Variants in TMTC1 observed in about 807,000 individuals in gnomAD.
TMTC1 encodes protein O-mannosyl-transferase TMTC1.
In TMTC1, 73 loss-of-function variants were observed where a neutral mutation model predicts 104.8. The observed-to-expected ratio is 0.70, with a 90% CI of 0.58 to 0.85. The LOEUF is 0.85. TMTC1 is among the 40% of genes least tolerant of loss of function. The pLI is 0.00. For missense variants in TMTC1, 1,035 were observed against 1,096.1 expected (o/e 0.94, Z 0.79); for synonymous variants, 434 against 428.7 (o/e 1.01, Z -0.15).
intron 5 of TMTC1, among the ~76,000 whole-genome samples, chr12:29,682,488 A>T (rs1035107696): frequency 6.6e-6 from 1 of 152,054 alleles, no homozygotes; most frequent in Non-Finnish European, 1.5e-5. Flanking sequence ...AAAATTTACT[A>T]AAAAAAACCA....
At chr12:29,586,770 T>A (rs1474043894) in intron 7 of TMTC1, among the ~76,000 whole-genome samples, 1 of 147,710 alleles carries the variant, frequency 6.8e-6, no homozygotes, top group African/African-American at 2.6e-5. Flanking sequence ...CAGCCTTGCA[T>A]CCCAGGAATG....
chr12:29,781,986 G>C, intron 1 of TMTC1, among the ~76,000 whole-genome samples: 1 of 152,216 alleles, frequency 6.6e-6, no homozygotes, highest in East Asian at 1.9e-4. Context: ...GACCAGGATG[G>C]TCTCCATGGC....
intron 1 of TMTC1, among the ~76,000 whole-genome samples, 181 bp from the exon 2 acceptor site, chr12:29,768,256 A>C (rs1277506325): frequency 6.6e-6 from 1 of 152,164 alleles, no homozygotes; most frequent in Non-Finnish European, 1.5e-5. Flanking sequence ...CCTATTTCAG[A>C]ATTGTCCCAT....
chr12:29,649,127 C>T (rs1565738981), intron 5 of TMTC1, among the ~76,000 whole-genome samples: 2 of 152,148 alleles, frequency 1.3e-5, no homozygotes, highest in Non-Finnish European at 2.9e-5. Context: ...CCTCCACTCT[C>T]AAAATTCCCA....
At chr12:29,554,745 C>T (rs535579281) in intron 10 of TMTC1, among the ~76,000 whole-genome samples, 1 of 152,034 alleles carries the variant, frequency 6.6e-6, no homozygotes, top group Non-Finnish European at 1.5e-5. Flanking sequence ...GGGGGGCATG[C>T]CTATAGTCCC....
At chr12:29,593,359 ACTC>A (rs1223141563) in intron 7 of TMTC1, among the ~76,000 whole-genome samples, 5 of 152,142 alleles carry the variant, frequency 3.3e-5, no homozygotes, top group Admixed American at 3.3e-4. Flanking sequence ...TCAGTATACT[ACTC>A]TATCAGTTAC....
chr12:29,779,056 C>T (rs536006236), intron 1 of TMTC1, among the ~76,000 whole-genome samples: 58 of 152,314 alleles, frequency 3.8e-4, no homozygotes, highest in African/African-American at 1.4e-3. Flanking sequence ...AAAAGACTGG[C>T]ACTCTTCCCT....
At chr12:29,604,408 T>G (rs1367397280) in intron 6 of TMTC1, 109 bp from the exon 7 acceptor site, 7 of 1,448,692 alleles carry the variant, frequency 4.8e-6, no homozygotes, top group Non-Finnish European at 6.6e-6. Context: ...ATGAATAAAT[T>G]AGACCAATAT....
intron 4 of TMTC1, among the ~76,000 whole-genome samples, chr12:29,753,305 C>G (rs1463875413): frequency 6.6e-6 from 1 of 152,190 alleles, no homozygotes; most frequent in African/African-American, 2.4e-5. Flanking sequence ...TCCACGACCC[C>G]CCAGATACTC....
chr12:29,521,896 G>A (rs1036010926), intron 11 of TMTC1, among the ~76,000 whole-genome samples: 2 of 152,082 alleles, frequency 1.3e-5, no homozygotes, highest in Non-Finnish European at 2.9e-5. Flanking sequence ...ACAACCATTA[G>A]AGACTGTTAT....
chr12:29,760,519 TA>T (rs1291012836), intron 2 of TMTC1, among the ~76,000 whole-genome samples: 1 of 152,110 alleles, frequency 6.6e-6, no homozygotes, highest in African/African-American at 2.4e-5. Flanking sequence ...TGAAAAAACT[TA>T]AAAAGAACAC....
At chr12:29,600,423 C>T (rs1158009493) in intron 7 of TMTC1, among the ~76,000 whole-genome samples, 1 of 152,126 alleles carries the variant, frequency 6.6e-6, no homozygotes, top group Non-Finnish European at 1.5e-5. Flanking sequence ...TCTCTAAAGC[C>T]ACAACACAGA....
intron 5 of TMTC1, among the ~76,000 whole-genome samples, chr12:29,675,589 T>TACACACACACAC (rs10605906): frequency 2.6e-5 from 3 of 116,626 alleles, no homozygotes; most frequent in East Asian, 2.6e-4. Flanking sequence ...CACATGCAAA[T>TACACACACACAC]ACACACACAC....
At chr12:29,732,933 G>A (rs1407616813) in intron 5 of TMTC1, among the ~76,000 whole-genome samples, 1 of 152,106 alleles carries the variant, frequency 6.6e-6, no homozygotes, top group African/African-American at 2.4e-5. Flanking sequence ...GGGCCTCCAG[G>A]ATAAAGCCTC....
In TMTC1 at chr12:29,721,809, A is replaced by G. The variant is rs546519037; in HGVS notation, c.938+29857T>C. On this transcript the variant is annotated intron_variant, in intron 5 of 17. Coordinates refer to ENST00000539277, the MANE Select transcript of TMTC1 (RefSeq NM_001193451.2). The stretch of plus-strand genomic sequence containing the variant: ...TAGGTTATTTCTGTTGATATCTACC[A>G]TATAAGAAATTAAAACATAATTTAA... Among the ~76,000 whole-genome samples the G allele has an allele frequency of 3.3e-5, 5 of 151,036 alleles. No individual in the cohort carries two copies. The East Asian group carries it at 7.7e-4, about 23-fold the overall frequency.
intron 5 of TMTC1, among the ~76,000 whole-genome samples, chr12:29,734,472 C>G (rs1942620938): frequency 6.6e-6 from 1 of 152,312 alleles, no homozygotes; most frequent in African/African-American, 2.4e-5. Flanking sequence ...TGCCTTTGGG[C>G]TGCTGCAGTA....
At chr12:29,633,085 C>T in intron 6 of TMTC1, 62 bp downstream of exon 6, 1 of 1,476,432 alleles carries the variant, frequency 6.8e-7, no homozygotes, top group South Asian at 1.3e-5. Context: ...CTAAAAAGAA[C>T]ATTATAGGCA....
At chr12:29,781,403 TCCC>T (rs1943833162) in intron 1 of TMTC1, among the ~76,000 whole-genome samples, 1 of 152,178 alleles carries the variant, frequency 6.6e-6, no homozygotes, top group Non-Finnish European at 1.5e-5. Flanking sequence ...TCCTCCTGAA[TCCC>T]CCAACTCTCC....
intron 5 of TMTC1, among the ~76,000 whole-genome samples, chr12:29,697,466 C>T (rs1488158943): frequency 3.9e-5 from 6 of 152,184 alleles, no homozygotes; most frequent in Non-Finnish European, 7.3e-5. Context: ...ACTATCTTTT[C>T]AAATCATCTA....
Sources: allele counts gnomAD v4.1 joint callset (sites outside exome capture counted in the v4.1 genomes callset), GRCh38; gene constraint gnomAD v4.1.1; transcripts MANE v1.5; gene names NCBI Gene and HGNC (gene_info 2026-07-23, HGNC 2026-07-21).